The following SPTA1 variants were observed in gnomAD, a reference collection of about 807,000 sequenced individuals.
SPTA1 encodes spectrin alpha chain, erythrocytic 1.
Under a neutral mutation model 324.7 loss-of-function variants are expected in SPTA1, and 177 were observed. That is an observed-to-expected ratio of 0.55 (90% CI 0.48 to 0.62). The LOEUF is 0.62. Among genes scored for constraint, SPTA1 ranks in the 20% least tolerant of loss-of-function variants. The pLI, the probability that SPTA1 is intolerant of heterozygous loss-of-function variation, is 0.00. For missense variants in SPTA1, 3,162 were observed against 2,883.6 expected (o/e 1.10, Z -2.21); for synonymous variants, 1,195 against 1,041.3 (o/e 1.15, Z -2.84).
At position 158,674,673 on chromosome 1, in the gene SPTA1, T is replaced by C. The variant is rs1654281838; in HGVS notation, c.1115A>G (p.Tyr372Cys). ...ATCAAAGTCAGATGAAAATCGATGGTACCTGTGGGAAAAGTGAGGTAAAAG... is the reference window on the plus strand; with the variant it reads ...ATCAAAGTCAGATGAAAATCGATGGCACCTGTGGGAAAAGTGAGGTAAAAG... ...RYEKLQATYW[Y>C]HRFSSDFDEL... The change falls in exon 9 of 52, where the codon TAC becomes TGC. Residue 372 changes from tyrosine (Y) to cysteine (C), a missense_variant and splice_region_variant. By Grantham distance (194) the Tyr-to-Cys change is radical. Transcript: ENST00000643759. 1 of 1,613,522 alleles carries C rather than the reference T, an allele frequency of 6.2e-7. No homozygotes were observed. Among genetic ancestry groups the C allele is most frequent in the African/African-American group, 1.3e-5 (1 of 74,886 alleles).
rs73020287 is a variant in SPTA1 at position 158,681,617 on chromosome 1, G to A, written c.441C>T (p.Thr147=). The A allele has an allele frequency of 1.2e-3, 1,967 of 1,613,668 alleles. 18 individuals carry two copies. In the African/African-American group the frequency reaches 0.021, roughly 18 times the overall value. ...GCAGCAACTGGTCACCCTTCTCCAG[G>A]GTCAGCTCTAACAGCAGGTCCCACA... The part of the protein sequence containing the change: ...RHLWDLLLEL[T]LEKGDQLLRA... Residue 147 remains threonine, a synonymous_variant, in exon 4 of 52, where the codon ACC becomes ACT. Transcript: ENST00000643759.
intron 10 of SPTA1, 106 bp downstream of exon 10, chr1:158,674,223 A>T: frequency 8.5e-7 from 1 of 1,173,300 alleles, no homozygotes; most frequent in Non-Finnish European, 1.3e-6. Context: ...AACACGTTTA[A>T]ATGACTTCTA....
At chr1:158,625,645 T>C (rs962437988) in intron 42 of SPTA1, among the ~76,000 whole-genome samples, 13 of 151,432 alleles carry the variant, frequency 8.6e-5, no homozygotes, top group African/African-American at 2.9e-4. Flanking sequence ...AAAAAGATAA[T>C]AGAATAAACC....
chr1:158,625,194 G>A (rs1650191964), intron 42 of SPTA1, among the ~76,000 whole-genome samples: 1 of 152,112 alleles, frequency 6.6e-6, no homozygotes, highest in South Asian at 2.1e-4. Context: ...AGTGGAAATA[G>A]ATATTTCTGC....
rs138263468 is a variant in SPTA1, at chr1:158,634,558, T to C, written c.5550A>G (p.Thr1850=). The change falls in exon 39 of 52, where the codon ACA becomes ACG. Residue 1850 remains threonine, a synonymous_variant. Transcript: ENST00000643759. ...TGTTCCTCACCTGAGTAGCAGCTAA[T>C]GTATCTCCACAATCTCCTCGGACAG... ...ALAVRGDCGD[T]LAATQSLLMK... 57 of 1,614,078 alleles carry C rather than the reference T, an allele frequency of 3.5e-5. No individual in the cohort carries two copies. The African/African-American group carries it at 5.9e-4, about 17-fold the overall frequency.
At chr1:158,674,186 C>G in intron 10 of SPTA1, 143 bp downstream of exon 10, 1 of 898,194 alleles carries the variant, frequency 1.1e-6, no homozygotes, top group Non-Finnish European at 1.8e-6. Flanking sequence ...TGAAAGGAAG[C>G]AGTGTAAAAG....
chr1:158,668,108 G>A (rs763752515), intron 14 of SPTA1, 46 bp from the exon 15 acceptor site: 8 of 1,588,198 alleles, frequency 5.0e-6, no homozygotes, highest in Admixed American at 3.4e-5. Context: ...CCTGAAGAAT[G>A]AGGGACAGAA....
intron 40 of SPTA1, 81 bp downstream of exon 40, chr1:158,627,523 GATCTTAGCACTGCTCTCTGCA>G: frequency 8.8e-7 from 1 of 1,140,882 alleles, no homozygotes; most frequent in Admixed American, 1.7e-5. Flanking sequence ...TTCTGCATAT[GATCTTAGCACTGCTCTCTGCA>G]TATGATCTTA....
intron 48 of SPTA1, chr1:158,614,897 A>C (rs889064106): frequency 3.4e-6 from 1 of 296,032 alleles, no homozygotes; most frequent in Non-Finnish European, 6.3e-6. Flanking sequence ...TACATTTTAG[A>C]TAAAATTCTA....
chr1:158,632,123 A>G (rs2101795998), intron 39 of SPTA1, among the ~76,000 whole-genome samples: 1 of 152,332 alleles, frequency 6.6e-6, no homozygotes, highest in South Asian at 2.1e-4. Context: ...TTAAAAAATA[A>G]GAAAGTTATG....
At chr1:158,632,323 A>C (rs942825627) in intron 39 of SPTA1, among the ~76,000 whole-genome samples, 1 of 152,198 alleles carries the variant, frequency 6.6e-6, no homozygotes, top group African/African-American at 2.4e-5. Flanking sequence ...CATAAATTAC[A>C]GTCAAGCAAG....
At chr1:158,672,502 A>G (rs1654095448) in intron 10 of SPTA1, among the ~76,000 whole-genome samples, 1 of 152,202 alleles carries the variant, frequency 6.6e-6, no homozygotes, top group Non-Finnish European at 1.5e-5. Flanking sequence ...AAGGTAGGGA[A>G]TGGGTATCAG....
intron 6 of SPTA1, 112 bp downstream of exon 6, chr1:158,678,289 G>C: frequency 7.0e-7 from 1 of 1,437,644 alleles, no homozygotes; most frequent in Non-Finnish European, 9.7e-7. Context: ...ATCCACTTTT[G>C]TTTGAAGTGT....
rs1652913979 is a variant in SPTA1, at chr1:158,657,545, T to C, written c.2737A>G (p.Thr913Ala). Residue 913 changes from threonine (T) to alanine (A), a missense_variant, in exon 19 of 52, where the codon ACA (threonine) becomes GCA (alanine). Thr to Ala is a moderately conservative substitution (Grantham distance 58). Coordinates refer to ENST00000643759, the MANE Select transcript of SPTA1 (RefSeq NM_003126.4). ...ATAGGTTCCTTCTCTCTGATCCATG[T>C]TTCTGCTTCATGCAGGTCAGCCAGG... The part of the protein sequence containing the change: ...QYLADLHEAE[T>A]WIREKEPIVD... 1 of 1,614,010 alleles carries C rather than the reference T, an allele frequency of 6.2e-7. No homozygotes were observed. The highest frequency in any genetic ancestry group is 1.7e-5 in the Admixed American group (1 of 60,000).
At chr1:158,627,780 C>G in intron 39 of SPTA1, 57 bp from the exon 40 acceptor site, 2 of 1,534,980 alleles carry the variant, frequency 1.3e-6, no homozygotes, top group African/African-American at 1.4e-5. Context: ...TCTATATTCA[C>G]TCATATTCAG....
At chr1:158,630,468 T>C (rs1434688071) in intron 39 of SPTA1, among the ~76,000 whole-genome samples, 1 of 152,008 alleles carries the variant, frequency 6.6e-6, no homozygotes, top group Non-Finnish European at 1.5e-5. Flanking sequence ...AAGACCCTTA[T>C]GCCATACCCA....
Position 158,634,694 on chromosome 1 carries a change from C to A in SPTA1, c.5433-19G>T. The A allele has an allele frequency of 6.2e-7, 1 of 1,613,840 alleles. No individual in the cohort carries two copies. On this transcript the variant is annotated intron_variant, in intron 38 of 51. Transcript: ENST00000643759. ...AAGTCCTCTATAACAAGGTGGCAAG[C>A]CCCAGTGAGGATAAGAACAAACTGG...
chr1:158,625,513 A>G (rs191507408), intron 42 of SPTA1, among the ~76,000 whole-genome samples: 1 of 152,220 alleles, frequency 6.6e-6, no homozygotes, highest in East Asian at 1.9e-4. Flanking sequence ...ATATAAATCA[A>G]GTTTCTGAAA....
At chr1:158,626,082 A>T (rs1044396442) in intron 42 of SPTA1, 64 bp downstream of exon 42, 6 of 1,440,270 alleles carry the variant, frequency 4.2e-6, no homozygotes, top group Non-Finnish European at 5.9e-6. Context: ...GAAATAAATA[A>T]TCATGGAGGA....
Sources: allele counts gnomAD v4.1 joint callset (sites outside exome capture counted in the v4.1 genomes callset), GRCh38; gene constraint gnomAD v4.1.1; transcripts MANE v1.5; gene names NCBI Gene and HGNC (gene_info 2026-07-23, HGNC 2026-07-21).